The following CAB39L variants were observed in gnomAD, a reference collection of about 807,000 sequenced individuals.
The protein encoded by CAB39L is calcium binding protein 39 like, also known as calcium-binding protein 39-like.
In CAB39L, 23 loss-of-function variants were observed where a neutral mutation model predicts 39.1. The ratio of observed to expected loss-of-function variants is 0.59; its 90% confidence interval spans 0.42 to 0.83. CAB39L has a LOEUF of 0.83. CAB39L is among the 40% of genes least tolerant of loss of function. The probability of loss-of-function intolerance (pLI) is 0.00; values close to 1 mark genes in which losing one functional copy is unlikely to be tolerated. For missense variants in CAB39L, 366 were observed against 391.9 expected, an observed-to-expected ratio of 0.93 and a Z score of 0.56; for synonymous variants, 126 against 137.2, an observed-to-expected ratio of 0.92 and a Z score of 0.57.
At chr13:49,392,448 C>G (rs1018279716) in intron 3 of CAB39L, among the ~76,000 whole-genome samples, 7 of 151,878 alleles carry the variant, frequency 4.6e-5, no homozygotes, top group African/African-American at 1.7e-4. Flanking sequence ...ACCAGCCTGG[C>G]CAACATGGTG....
intron 8 of CAB39L, among the ~76,000 whole-genome samples, chr13:49,343,525 A>G (rs1394730098): frequency 1.3e-5 from 2 of 152,102 alleles, no homozygotes; most frequent in African/African-American, 4.8e-5. Flanking sequence ...CCAGAAAGAT[A>G]CAGACACACC....
chr13:49,399,257 G>T (rs1476205519), intron 3 of CAB39L, among the ~76,000 whole-genome samples: 2 of 151,982 alleles, frequency 1.3e-5, no homozygotes, highest in African/African-American at 4.8e-5. Context: ...AAATATTCTT[G>T]TAGCAAGAAA....
rs1386381326 is a variant in CAB39L, at chr13:49,339,204, C to T, written c.690+473G>A. 2.1e-5 allele frequency among the ~76,000 whole-genome samples: 3 copies of T among 143,014 alleles called. No homozygotes were observed. The Admixed American group carries it at 2.2e-4, about 11-fold the overall frequency. 93.8% of individuals were successfully genotyped at this position (143,014 alleles called of 152,430 possible). ...GGAGTACATTGGCACGATCTTGGCT[C>T]ACTGCAACCTCCACCTCCCAGGTTC... On this transcript the variant is annotated intron_variant, in intron 9 of 10. Transcript: ENST00000409308.
At chr13:49,329,544 A>T (rs866086560) in intron 10 of CAB39L, among the ~76,000 whole-genome samples, 498 of 33,628 alleles carry the variant, frequency 0.015, 14 homozygotes, top group East Asian at 0.034. Flanking sequence ...TAAAAAAAAA[A>T]ATATATATAT....
chr13:49,422,943 T>A (rs1957191636), intron 3 of CAB39L, among the ~76,000 whole-genome samples: 1 of 152,276 alleles, frequency 6.6e-6, no homozygotes, highest in African/African-American at 2.4e-5. Flanking sequence ...TGATACTAGG[T>A]CATTTTTAAG....
chr13:49,426,560 G>A (rs919721088), intron 3 of CAB39L, among the ~76,000 whole-genome samples: 7 of 152,136 alleles, frequency 4.6e-5, no homozygotes, highest in African/African-American at 1.7e-4. Flanking sequence ...CTGAGTAGCT[G>A]GGACTACAGG....
intron 10 of CAB39L, among the ~76,000 whole-genome samples, chr13:49,331,051 T>G (rs938561525): frequency 6.6e-6 from 1 of 152,166 alleles, no homozygotes; most frequent in Admixed American, 6.5e-5. Flanking sequence ...TGAATACAGC[T>G]GTAGAAAAAA....
At chr13:49,415,553 A>T (rs561340449) in intron 3 of CAB39L, among the ~76,000 whole-genome samples, 10 of 152,170 alleles carry the variant, frequency 6.6e-5, no homozygotes, top group East Asian at 5.8e-4. Context: ...AAATAAAATT[A>T]AAAATGTGGG....
chr13:49,339,640 C>T (rs1954947663), intron 9 of CAB39L, 37 bp downstream of exon 9: 2 of 1,524,434 alleles, frequency 1.3e-6, no homozygotes, highest in Non-Finnish European at 8.8e-7. Context: ...GAGATATAAA[C>T]TTACGGGGAC....
At chr13:49,323,604 A>G (rs1404565055) in intron 10 of CAB39L, among the ~76,000 whole-genome samples, 1 of 152,220 alleles carries the variant, frequency 6.6e-6, no homozygotes, top group African/African-American at 2.4e-5. Flanking sequence ...CATAGATTCC[A>G]GACCTACACA....
At chr13:49,372,739 C>T (rs1423063730) in intron 5 of CAB39L, among the ~76,000 whole-genome samples, 3 of 152,154 alleles carry the variant, frequency 2.0e-5, no homozygotes, top group Non-Finnish European at 2.9e-5. Context: ...GGTGCAATCT[C>T]GGCTCACTGC....
intron 7 of CAB39L, among the ~76,000 whole-genome samples, chr13:49,348,910 C>T (rs370828255): frequency 1.3e-4 from 20 of 152,310 alleles, no homozygotes; most frequent in Admixed American, 2.6e-4. Flanking sequence ...AGGGAGACCA[C>T]GCCCCGTCCC....
At chr13:49,381,177 C>T (rs2138586522) in intron 4 of CAB39L, among the ~76,000 whole-genome samples, 1 of 152,338 alleles carries the variant, frequency 6.6e-6, no homozygotes, top group South Asian at 2.1e-4. Context: ...ATCTGCCCAC[C>T]TCAGCCTCGC....
chr13:49,350,548 GT>G (rs1955316020), intron 7 of CAB39L, among the ~76,000 whole-genome samples, 195 bp downstream of exon 7: 1 of 152,168 alleles, frequency 6.6e-6, no homozygotes, highest in Non-Finnish European at 1.5e-5. Context: ...AATATTTTGA[GT>G]TGTTTTCCTG....
intron 1 of CAB39L, among the ~76,000 whole-genome samples, chr13:49,441,342 A>G (rs568899896): frequency 1.1e-4 from 17 of 151,582 alleles, no homozygotes; most frequent in Non-Finnish European, 1.8e-4. Flanking sequence ...CGGGAAGCCA[A>G]AGCAGGAGGA....
At chr13:49,348,805 G>A (rs535528420) in intron 7 of CAB39L, among the ~76,000 whole-genome samples, 2 of 152,278 alleles carry the variant, frequency 1.3e-5, no homozygotes, top group Non-Finnish European at 2.9e-5. Context: ...CCAGGCAGCT[G>A]CCAGGACTTG....
rs560902726 is a variant in CAB39L at position 49,430,095 on chromosome 13, T to C, written c.-32+3223A>G. Among the ~76,000 whole-genome samples, 27 of 152,340 alleles carry C rather than the reference T, an allele frequency of 1.8e-4. 1 individual carries two copies. The highest frequency in any genetic ancestry group is 5.8e-4 in the African/African-American group (24 of 41,590). ...GAAAAGTTACTAGCTGTCCAAAAAG[T>C]TGATAAACATGCTACCAGCTATAAT... On this transcript the variant is annotated intron_variant, in intron 3 of 10. Transcript: ENST00000409308.
In CAB39L at chr13:49,310,957, C is replaced by T; in HGVS notation, c.871G>A (p.Val291Met). The change falls in exon 11 of 11, where the codon GTG (valine) becomes ATG (methionine). Residue 291 changes from valine (V) to methionine (M), a missense_variant. Coordinates refer to ENST00000409308, the MANE Select transcript of CAB39L (RefSeq NM_001079670.3). ...GGCTGATTTTTTAACAGGATCTCCA[C>T]AATAGGCTGTGTTTTGTGAGGACTG... is the stretch of plus-strand genomic sequence containing the variant. ...VASPHKTQPIVEILLKNQPKL... is the reference protein window; with the variant it reads ...VASPHKTQPIMEILLKNQPKL... 6.2e-7 allele frequency: 1 copy of T among 1,614,092 alleles called. No individual in the cohort carries two copies. The highest frequency in any genetic ancestry group is 1.1e-5 in the South Asian group (1 of 91,080).
intron 5 of CAB39L, among the ~76,000 whole-genome samples, chr13:49,370,154 G>A (rs1243929626): frequency 6.6e-6 from 1 of 152,080 alleles, no homozygotes; most frequent in Non-Finnish European, 1.5e-5. Flanking sequence ...GAATGGATTA[G>A]TGAGGGATCT....
Sources: gnomAD v4.1 joint callset for allele counts (sites outside exome capture counted in the v4.1 genomes callset) on GRCh38, gnomAD v4.1.1 for gene constraint, MANE v1.5 for transcripts, NCBI Gene and HGNC (gene_info 2026-07-23, HGNC 2026-07-21) for gene names.